Variants in MBTPS1 observed in about 807,000 individuals in gnomAD.
MBTPS1 encodes the protein membrane-bound transcription factor site-1 protease.
Under a neutral mutation model 127.8 loss-of-function variants are expected in MBTPS1, and 94 were observed. The ratio of observed to expected loss-of-function variants is 0.74; its 90% confidence interval spans 0.62 to 0.87. The LOEUF is 0.87. MBTPS1 is among the 40% of genes least tolerant of loss of function. The pLI, the probability that MBTPS1 is intolerant of heterozygous loss-of-function variation, is 0.00. For missense variants in MBTPS1, 1,636 were observed against 1,353.2 expected (o/e 1.21, Z -3.28); for synonymous variants, 632 against 509.4 (o/e 1.24, Z -3.24).
chr16:84,111,885 A>G (rs1201082322), intron 1 of MBTPS1, among the ~76,000 whole-genome samples: 1 of 148,208 alleles, frequency 6.7e-6, no homozygotes, highest in Non-Finnish European at 1.5e-5. Context: ...TTCAATTTTA[A>G]AATGTGTCTA....
intron 1 of MBTPS1, among the ~76,000 whole-genome samples, chr16:84,111,614 G>A (rs779331278): frequency 5.9e-5 from 9 of 152,008 alleles, no homozygotes; most frequent in Non-Finnish European, 8.8e-5. Flanking sequence ...GCCAAGGAAC[G>A]CAGGTGGCCT....
At chr16:84,090,743 GA>G in intron 8 of MBTPS1, 131 bp downstream of exon 8, 1 of 688,926 alleles carries the variant, frequency 1.5e-6, no homozygotes, top group Non-Finnish European at 2.5e-6. Context: ...TTTACATGAG[GA>G]AAACATCCTT....
At chr16:84,085,173 T>G in intron 9 of MBTPS1, 39 bp from the exon 10 acceptor site, 2 of 1,605,252 alleles carry the variant, frequency 1.2e-6, no homozygotes, top group Non-Finnish European at 1.7e-6. Flanking sequence ...ATCTCGCACA[T>G]TGGCATACAG....
intron 7 of MBTPS1, 138 bp from the exon 8 acceptor site, chr16:84,091,080 C>T (rs539139409): frequency 4.1e-5 from 29 of 699,342 alleles, no homozygotes; most frequent in African/African-American, 3.3e-4. Context: ...GGCGGATGTG[C>T]TGGCAACTTG....
intron 21 of MBTPS1, chr16:84,056,981 A>G (rs1447810953): frequency 1.3e-5 from 2 of 152,214 alleles, no homozygotes; most frequent in East Asian, 3.8e-4. Flanking sequence ...GCAAATTAAA[A>G]TTTCTCTATT....
intron 18 of MBTPS1, among the ~76,000 whole-genome samples, chr16:84,063,735 G>T (rs1177250568): frequency 6.6e-6 from 1 of 151,724 alleles, no homozygotes; most frequent in African/African-American, 2.4e-5. Flanking sequence ...AATTGCAAAG[G>T]TGCTGCCTCT....
rs1291563268 is a variant in MBTPS1, at chr16:84,067,802, C to G, written c.2093G>C (p.Ser698Thr). Residue 698 changes from serine to threonine, a missense_variant, in exon 16 of 23, where the codon AGT (serine) becomes ACT (threonine). By Grantham distance (58) the Ser-to-Thr change is moderately conservative. Transcript: ENST00000343411. ...SQYGTLLMVDSEEEYFPEEIA... is the reference protein window; with the variant it reads ...SQYGTLLMVDTEEEYFPEEIA... Reference sequence around the variant, plus strand: ...CTCTTCAGGGAAGTACTCCTCCTCACTGTCCACCATCAGCAAAGTGCCTGA... The same window carrying G: ...CTCTTCAGGGAAGTACTCCTCCTCAGTGTCCACCATCAGCAAAGTGCCTGA... The G allele has an allele frequency of 6.2e-7, 1 of 1,610,702 alleles. No homozygotes were observed. Among genetic ancestry groups the G allele is most frequent in the Non-Finnish European group, 8.5e-7 (1 of 1,177,224 alleles).
At chr16:84,055,428 G>C (rs930805189) in intron 22 of MBTPS1, among the ~76,000 whole-genome samples, 3 of 152,220 alleles carry the variant, frequency 2.0e-5, no homozygotes, top group African/African-American at 7.2e-5. Context: ...GGCTCGGCTG[G>C]AAAGGCCTGG....
At chr16:84,064,120 A>C (rs2085649527) in intron 18 of MBTPS1, among the ~76,000 whole-genome samples, 1 of 152,092 alleles carries the variant, frequency 6.6e-6, no homozygotes, top group African/African-American at 2.4e-5. Context: ...GCACCACCAG[A>C]TAATCTAGGA....
intron 3 of MBTPS1, among the ~76,000 whole-genome samples, chr16:84,096,870 G>A (rs1028976032): frequency 2.6e-5 from 4 of 152,184 alleles, no homozygotes; most frequent in Non-Finnish European, 5.9e-5. Flanking sequence ...CCAGGAATGG[G>A]CCTGCTCTGC....
At chr16:84,100,997 T>TATAAA (rs1273256620) in intron 2 of MBTPS1, among the ~76,000 whole-genome samples, 1 of 23,372 alleles carries the variant, frequency 4.3e-5, no homozygotes. Flanking sequence ...CTACTAAAAA[T>TATAAA]ACAAAAAAAA....
chr16:84,100,767 G>A (rs2086242945), intron 2 of MBTPS1, among the ~76,000 whole-genome samples: 4 of 152,020 alleles, frequency 2.6e-5, no homozygotes, highest in Admixed American at 2.6e-4. Context: ...AATAATTCAT[G>A]TCAATTTCCT....
chr16:84,103,493 C>T (rs537446676), intron 1 of MBTPS1, among the ~76,000 whole-genome samples: 2 of 152,184 alleles, frequency 1.3e-5, no homozygotes, highest in East Asian at 3.9e-4. Flanking sequence ...CTCAGGTGAT[C>T]CAGCCACCTT....
In MBTPS1 at chr16:84,054,145, G is replaced by C. The variant is rs1803867; in HGVS notation, c.*304C>G. On this transcript the variant is annotated 3_prime_UTR_variant, in exon 23 of 23. Transcript: ENST00000343411. The stretch of plus-strand genomic sequence containing the variant: ...TGTTTGGAAAGTACATCCTTCCCCT[G>C]CAGTCAGAAGACCCCAGACAGCCTT... The C allele has an allele frequency of 1.0e-3, 265 of 254,074 alleles. 1 individual carries two copies. The highest frequency in any genetic ancestry group is 8.6e-3 in the South Asian group (54 of 6,270). 15.7% of individuals were successfully genotyped at this position (254,074 alleles called of 1,614,324 possible).
rs1267051172 is a variant in MBTPS1 at position 84,112,661 on chromosome 16, CAAAAAAAACAA to C, written c.-325+4063_-325+4073del. Among the ~76,000 whole-genome samples the C allele has an allele frequency of 7.6e-5, 7 of 92,542 alleles. 1 individual carries two copies. Among genetic ancestry groups the C allele is most frequent in the African/African-American group, 3.2e-4 (7 of 21,722 alleles). 60.7% of individuals were successfully genotyped at this position (92,542 alleles called of 152,430 possible). A position where few individuals can be genotyped will look rare whatever the true frequency, so the allele number is the denominator to read the frequency against. On this transcript the variant is annotated intron_variant, in intron 1 of 22. Transcript: ENST00000343411. Reference sequence around the variant, plus strand: ...CGGGCAACAGAGCGAGACTCGGTCTCAAAAAAAACAAAAAAAAACAAAAAAAGAATACGCCG... The same window carrying C: ...CGGGCAACAGAGCGAGACTCGGTCTCAAAAAAACAAAAAAAGAATACGCCG...
In MBTPS1 at chr16:84,068,414, G is replaced by C; in HGVS notation, c.1996C>G (p.Gln666Glu). 6.2e-7 allele frequency: 1 copy of C among 1,614,166 alleles called. No homozygotes were observed. Among genetic ancestry groups the C allele is most frequent in the Non-Finnish European group, 8.5e-7 (1 of 1,179,964 alleles). The change falls in exon 15 of 23, where the codon CAG (glutamine) becomes GAG (glutamate). Residue 666 changes from glutamine (Q) to glutamate (E), a missense_variant. Physicochemically the swap from Gln to Glu is conservative, Grantham distance 29. Coordinates refer to ENST00000343411, the MANE Select transcript of MBTPS1 (RefSeq NM_003791.4). The stretch of plus-strand genomic sequence containing the variant: ...AAGTAGCCCATGCTTCTCAGATGCT[G>C]GTACATATCCCTGAAATTGGTGTGG... ...HIHTNFRDMY[Q>E]HLRSMGYFVE...
rs1355006317 is a variant in MBTPS1, at chr16:84,091,042, TA to T, written c.964-101del. 10 of 922,064 alleles carry T rather than the reference TA, an allele frequency of 1.1e-5. No individual in the cohort carries two copies. The South Asian group carries it at 1.3e-4, about 12-fold the overall frequency. 57.1% of individuals were successfully genotyped at this position (922,064 alleles called of 1,614,324 possible). Reference sequence around the variant, plus strand: ...CATACACAACGTCTAAAAACAGTTCTAAAAAAGCAGCACTGGCCCATTATAA... The same window carrying T: ...CATACACAACGTCTAAAAACAGTTCTAAAAAGCAGCACTGGCCCATTATAA... On this transcript the variant is annotated intron_variant, in intron 7 of 22. Coordinates refer to ENST00000343411, the MANE Select transcript of MBTPS1 (RefSeq NM_003791.4).
At position 84,054,556 on chromosome 16, in the gene MBTPS1, C is replaced by T. The variant is rs1274103334; in HGVS notation, c.3052G>A (p.Val1018Met). The T allele has an allele frequency of 1.9e-6, 3 of 1,614,022 alleles. No individual in the cohort carries two copies. The highest frequency in any genetic ancestry group is 3.3e-4 in the Middle Eastern group (2 of 6,062). ...LGAMVVLAFF[V>M]VQINKAKSRP... ...CTCTTGGCCTTGTTGATTTGTACCA[C>T]AAAGAAGGCCAGGACCACCATGGCT... The change falls in exon 23 of 23, where the codon GTG becomes ATG. Residue 1018 changes from valine (V) to methionine (M), a missense_variant. Physicochemically the swap from Val to Met is conservative, Grantham distance 21. Coordinates refer to ENST00000343411, the MANE Select transcript of MBTPS1 (RefSeq NM_003791.4).
At chr16:84,059,281 A>G (rs367770740) in intron 21 of MBTPS1, 21 bp downstream of exon 21, 104 of 1,604,256 alleles carry the variant, frequency 6.5e-5, no homozygotes, top group Non-Finnish European at 8.8e-5. Context: ...AAAGAGTGGA[A>G]GGGCACAGGC....
Sources: gnomAD v4.1 joint callset for allele counts (sites outside exome capture counted in the v4.1 genomes callset) on GRCh38, gnomAD v4.1.1 for gene constraint, MANE v1.5 for transcripts, NCBI Gene and HGNC (gene_info 2026-07-23, HGNC 2026-07-21) for gene names.